Variants in CNTNAP2 observed in about 807,000 individuals in gnomAD.
CNTNAP2 encodes contactin associated protein 2.
Under a neutral mutation model 155.2 loss-of-function variants are expected in CNTNAP2, and 98 were observed. The ratio of observed to expected loss-of-function variants is 0.63; its 90% CI spans 0.54 to 0.75. The LOEUF is 0.75. Among genes scored for constraint, CNTNAP2 ranks in the 30% least tolerant of loss-of-function variants. The pLI is 0.00. For missense variants in CNTNAP2, 1,727 were observed against 1,688.1 expected, an observed-to-expected ratio of 1.02 and a Z score of -0.40; for synonymous variants, 651 against 631.2, an observed-to-expected ratio of 1.03 and a Z score of -0.47.
chr7:146,350,001 T>G (rs1794887914), intron 1 of CNTNAP2, among the ~76,000 whole-genome samples: 1 of 152,160 alleles, frequency 6.6e-6, no homozygotes, highest in Admixed American at 6.5e-5. Context: ...ATTTCCTGAA[T>G]CTGAATGTTG....
At position 147,225,574 on chromosome 7, in the gene CNTNAP2, C is replaced by T. The variant is rs183913308; in HGVS notation, c.1349-74567C>T. 4.6e-5 allele frequency among the ~76,000 whole-genome samples: 7 copies of T among 152,168 alleles called. No individual in the cohort carries two copies. The East Asian group carries it at 1.2e-3, about 25-fold the overall frequency. On this transcript the variant is annotated intron_variant, in intron 8 of 23. Transcript: ENST00000361727. ...TTTATCATGCTGCCAGTAATGTCAT[C>T]AAAAACTTTTAAAGAACATATTAAA...
chr7:146,721,796 A>ATAGACTATATATAGTCTATATATG (rs1474583994), intron 1 of CNTNAP2, among the ~76,000 whole-genome samples: 11 of 123,612 alleles, frequency 8.9e-5, no homozygotes, highest in East Asian at 4.2e-4. Flanking sequence ...GTCTACATAT[A>ATAGACTATATATAGTCTATATATG]TAGACTATAT....
At chr7:148,184,711 A>G (rs1289977186) in intron 18 of CNTNAP2, among the ~76,000 whole-genome samples, 1 of 152,258 alleles carries the variant, frequency 6.6e-6, no homozygotes. Context: ...GTTTATCCCA[A>G]TTAAAGAGGG....
chr7:146,443,055 CA>C (rs1378400715), intron 1 of CNTNAP2, among the ~76,000 whole-genome samples: 71 of 149,736 alleles, frequency 4.7e-4, no homozygotes, highest in South Asian at 2.3e-3. Context: ...AAAAAAAATA[CA>C]AAAAAAAATT....
At chr7:147,932,391 C>A (rs185292495) in intron 14 of CNTNAP2, among the ~76,000 whole-genome samples, 7 of 152,072 alleles carry the variant, frequency 4.6e-5, no homozygotes, top group African/African-American at 7.2e-5. Context: ...GAAAGAGGGC[C>A]CAGAAATAAA....
At chr7:147,514,041 C>G (rs1005854746) in intron 11 of CNTNAP2, among the ~76,000 whole-genome samples, 3 of 152,128 alleles carry the variant, frequency 2.0e-5, no homozygotes, top group African/African-American at 7.2e-5. Context: ...CACCATAAAT[C>G]TACTCAAGCA....
intron 10 of CNTNAP2, among the ~76,000 whole-genome samples, chr7:147,411,785 C>T (rs1366790565): frequency 7.9e-5 from 12 of 152,030 alleles, no homozygotes; most frequent in Admixed American, 7.9e-4. Flanking sequence ...CAGTTTCATT[C>T]TAGGTGGTAA....
chr7:146,696,262 G>T (rs927634392), intron 1 of CNTNAP2, among the ~76,000 whole-genome samples: 1 of 151,976 alleles, frequency 6.6e-6, no homozygotes, highest in Non-Finnish European at 1.5e-5. Context: ...TTTATATTGC[G>T]CCTTCTGTGG....
chr7:147,472,204 C>CTTTT (rs542047274), intron 10 of CNTNAP2, among the ~76,000 whole-genome samples: 14 of 81,070 alleles, frequency 1.7e-4, no homozygotes, highest in African/African-American at 3.1e-4. Context: ...TCTTTTTTTC[C>CTTTT]TTTTTTTTTT....
chr7:147,798,728 G>A (rs1797940639), intron 13 of CNTNAP2, among the ~76,000 whole-genome samples: 1 of 152,146 alleles, frequency 6.6e-6, no homozygotes, highest in Non-Finnish European at 1.5e-5. Flanking sequence ...GATTTACCAT[G>A]ATTGATTTAG....
rs773121938 is a variant in CNTNAP2 at position 147,415,517 on chromosome 7, C to G, written c.1670+19737C>G. 2.0e-5 allele frequency among the ~76,000 whole-genome samples: 3 copies of G among 152,320 alleles called. No individual in the cohort carries two copies. The South Asian group carries it at 6.2e-4, about 32-fold the overall frequency. ...CTTCTTTCACTCATCACTTCTCCTT[C>G]CTGCCGCCTTCTGAAGAAAGTGCCT... On this transcript the variant is annotated intron_variant, in intron 10 of 23. Coordinates refer to ENST00000361727, the MANE Select transcript of CNTNAP2 (RefSeq NM_014141.6).
chr7:147,966,242 G>C (rs981370355), intron 14 of CNTNAP2, among the ~76,000 whole-genome samples: 1 of 152,110 alleles, frequency 6.6e-6, no homozygotes, highest in Non-Finnish European at 1.5e-5. Context: ...TTGAAAAATA[G>C]TACCTTTTAA....
At chr7:148,127,524 C>T (rs549648327) in intron 16 of CNTNAP2, among the ~76,000 whole-genome samples, 6 of 152,214 alleles carry the variant, frequency 3.9e-5, no homozygotes, top group African/African-American at 7.2e-5. Context: ...GTGCAGGCAG[C>T]GGCCTAATGT....
chr7:146,775,054 A>G (rs1045019879), intron 2 of CNTNAP2, among the ~76,000 whole-genome samples: 1 of 152,202 alleles, frequency 6.6e-6, no homozygotes, highest in African/African-American at 2.4e-5. Flanking sequence ...GGCAACTTAA[A>G]AAGGAAAGAA....
rs546964856 is a variant in CNTNAP2, at chr7:147,601,027, C to T, written c.1898-38079C>T. On this transcript the variant is annotated intron_variant, in intron 12 of 23. Transcript: ENST00000361727. ...ATTAGAAATGTAGATTTTTTCTCTT[C>T]TGAGTGATCAGCCTCCAAACATATC... is the stretch of plus-strand genomic sequence containing the variant. 4.6e-5 allele frequency among the ~76,000 whole-genome samples: 7 copies of T among 152,248 alleles called. No individual in the cohort carries two copies. The South Asian group carries it at 1.4e-3, about 32-fold the overall frequency.
At chr7:147,921,100 C>T (rs1221386471) in intron 14 of CNTNAP2, among the ~76,000 whole-genome samples, 5 of 151,790 alleles carry the variant, frequency 3.3e-5, no homozygotes, top group East Asian at 1.9e-4. Flanking sequence ...TGAGCCACCA[C>T]GCCCTGCCTC....
chr7:146,999,223 T>A (rs565670816), intron 3 of CNTNAP2, among the ~76,000 whole-genome samples: 3 of 142,432 alleles, frequency 2.1e-5, no homozygotes, highest in African/African-American at 8.0e-5. Context: ...TTTAACCTGA[T>A]AACAGCTTAA....
At chr7:146,728,403 A>G (rs1413461692) in intron 1 of CNTNAP2, among the ~76,000 whole-genome samples, 1 of 152,114 alleles carries the variant, frequency 6.6e-6, no homozygotes, top group Non-Finnish European at 1.5e-5. Flanking sequence ...TTTATTGCAA[A>G]TAATGCGAGC....
intron 9 of CNTNAP2, among the ~76,000 whole-genome samples, chr7:147,375,470 A>T (rs1011856497): frequency 3.9e-5 from 6 of 152,174 alleles, no homozygotes; most frequent in African/African-American, 1.4e-4. Flanking sequence ...TGAGATTCCC[A>T]GTTGCAGATT....
Sources: allele counts gnomAD v4.1 joint callset (sites outside exome capture counted in the v4.1 genomes callset), GRCh38; gene constraint gnomAD v4.1.1; transcripts MANE v1.5; gene names NCBI Gene and HGNC (gene_info 2026-07-23, HGNC 2026-07-21).